The following AHRR variants were observed in gnomAD, a reference collection of about 807,000 sequenced individuals.
AHRR encodes the protein aryl hydrocarbon receptor repressor.
Under a neutral mutation model 44.0 loss-of-function variants are expected in AHRR, and 28 were observed. The observed-to-expected ratio is 0.64, with a 90% CI of 0.47 to 0.87. AHRR has a LOEUF of 0.87. Among genes scored for constraint, AHRR ranks in the 40% least tolerant of loss-of-function variants. The pLI, the probability that AHRR is intolerant of heterozygous loss-of-function variation, is 0.00. For synonymous variants in AHRR, 434 were observed against 407.0 expected (o/e 1.07, Z -0.80); for missense variants, 990 against 953.9 (o/e 1.04, Z -0.50).
At chr5:378,298 C>A (rs2721012) in intron 4 of AHRR, among the ~76,000 whole-genome samples, 112,381 of 152,248 alleles carry the variant, frequency 0.74, 42,193 homozygotes, top group Non-Finnish European at 0.77. Context: ...ATCCATAAAC[C>A]GCCTTGAGCC....
chr5:398,475 G>A (rs1040806849), intron 4 of AHRR, among the ~76,000 whole-genome samples: 1 of 152,198 alleles, frequency 6.6e-6, no homozygotes, highest in Non-Finnish European at 1.5e-5. Context: ...TGTGGTCACT[G>A]AGCCGGGTGC....
rs546968778 is a variant in AHRR, at chr5:411,276, G to A, written c.352-2068G>A. 6.6e-6 allele frequency among the ~76,000 whole-genome samples: 1 copy of A among 151,940 alleles called. No individual in the cohort carries two copies. The highest frequency in any genetic ancestry group is 2.1e-4 in the South Asian group (1 of 4,810). On this transcript the variant is annotated intron_variant, in intron 4 of 10. Transcript: ENST00000684583. The surrounding 1 kb of genome is among the most constrained non-coding windows in gnomAD (Gnocchi z 4.2). Reference sequence around the variant, plus strand: ...AGTCATTTTAAGCTCACTGGCATTTGATGCTGACCCTTCTGCTTGTGTGTA... The same window carrying A: ...AGTCATTTTAAGCTCACTGGCATTTAATGCTGACCCTTCTGCTTGTGTGTA...
At chr5:375,306 G>C (rs895178648) in intron 3 of AHRR, among the ~76,000 whole-genome samples, 1 of 152,220 alleles carries the variant, frequency 6.6e-6, no homozygotes. Flanking sequence ...TCGATGAGGC[G>C]GTGCCCCTCA....
intron 1 of AHRR, among the ~76,000 whole-genome samples, chr5:336,197 G>A (rs1257418850): frequency 2.0e-5 from 3 of 152,216 alleles, no homozygotes; most frequent in Admixed American, 2.0e-4. Context: ...GGGACTGCAT[G>A]ATTCTCCAGT....
chr5:386,947 G>A (rs1734190454), intron 4 of AHRR, among the ~76,000 whole-genome samples: 1 of 152,196 alleles, frequency 6.6e-6, no homozygotes, highest in Non-Finnish European at 1.5e-5. Flanking sequence ...TAGGGAATGT[G>A]GATTATTTTT....
intron 3 of AHRR, 51 bp from the exon 4 acceptor site, chr5:376,559 T>TGAATGAATGAGAACCGGGG: frequency 8.3e-6 from 2 of 241,096 alleles, no homozygotes; most frequent in East Asian, 7.6e-5. Flanking sequence ...TGAAGAAGAG[T>TGAATGAATGAGAACCGGGG]GGCCAGGCCA....
chr5:412,703 TTCTCTC>T (rs200015851), intron 4 of AHRR, among the ~76,000 whole-genome samples: 4 of 144,172 alleles, frequency 2.8e-5, no homozygotes, highest in Non-Finnish European at 4.5e-5. Flanking sequence ...TTCAACATTT[TTCTCTC>T]TCTCTCTTTT....
chr5:429,562 A>C (rs910286015), intron 8 of AHRR, among the ~76,000 whole-genome samples: 1 of 152,088 alleles, frequency 6.6e-6, no homozygotes, highest in African/African-American at 2.4e-5. Context: ...TCCGAGACCC[A>C]CCCGACTTGT....
intron 8 of AHRR, among the ~76,000 whole-genome samples, chr5:430,627 C>T (rs546544765): frequency 2.1e-4 from 32 of 152,376 alleles, no homozygotes; most frequent in African/African-American, 7.7e-4. Context: ...TTTCAGATAA[C>T]CGTTTAGACA....
intron 3 of AHRR, among the ~76,000 whole-genome samples, chr5:374,061 G>A (rs1743687328): frequency 6.6e-6 from 1 of 152,130 alleles, no homozygotes. Flanking sequence ...GGGTGGGACG[G>A]GGTCGGCTCC....
At chr5:427,545 T>C in intron 7 of AHRR, 3 of 1,485,136 alleles carry the variant, frequency 2.0e-6, no homozygotes, top group Non-Finnish European at 2.8e-6. Context: ...CACGCGGGAA[T>C]GAACCTGTCA....
At chr5:351,847 T>C (rs1468137282) in intron 2 of AHRR, among the ~76,000 whole-genome samples, 1 of 152,090 alleles carries the variant, frequency 6.6e-6, no homozygotes, top group East Asian at 1.9e-4. Flanking sequence ...TGCCGCAGAG[T>C]TCCTGACAGA....
intron 2 of AHRR, among the ~76,000 whole-genome samples, chr5:349,404 C>T (rs1742785039): frequency 2.0e-5 from 3 of 152,086 alleles, no homozygotes; most frequent in African/African-American, 7.2e-5. Flanking sequence ...GGTGAAACCC[C>T]GTCTCCACTA....
chr5:426,455 AATGG>A (rs1459330854), intron 7 of AHRR, among the ~76,000 whole-genome samples: 8 of 142,340 alleles, frequency 5.6e-5, no homozygotes, highest in Admixed American at 1.4e-4. Flanking sequence ...AAGATGGGTG[AATGG>A]ATGGATGGAT....
chr5:324,057 CTCTT>C (rs374472424), intron 1 of AHRR, among the ~76,000 whole-genome samples: 3 of 146,376 alleles, frequency 2.0e-5, no homozygotes, highest in Admixed American at 6.7e-5. Flanking sequence ...CTCTCTCTCT[CTCTT>C]TCTTTCCTTT....
chr5:367,074 G>A (rs1743383866), intron 3 of AHRR, among the ~76,000 whole-genome samples: 1 of 152,252 alleles, frequency 6.6e-6, no homozygotes, highest in African/African-American at 2.4e-5. Context: ...TAGCTTTTCT[G>A]TAAGTTTGAT....
At chr5:340,173 G>T (rs1234000283) in intron 1 of AHRR, among the ~76,000 whole-genome samples, 2 of 152,044 alleles carry the variant, frequency 1.3e-5, no homozygotes, top group Non-Finnish European at 2.9e-5. Context: ...TGGGTTTTTT[G>T]ATGTTGTTGG....
intron 3 of AHRR, 55 bp from the exon 4 acceptor site, chr5:376,555 A>ACCGTGGGGTGAACGCG (rs1306970800): frequency 3.5e-6 from 5 of 1,431,444 alleles, no homozygotes; most frequent in African/African-American, 1.4e-5. Context: ...TGAATGAAGA[A>ACCGTGGGGTGAACGCG]GAGTGGCCAG....
rs1234627827 is a variant in AHRR, at chr5:398,229, A to G, written c.352-15115A>G. 5.0e-4 allele frequency among the ~76,000 whole-genome samples: 57 copies of G among 113,670 alleles called. 1 individual carries two copies. Among genetic ancestry groups the G allele is most frequent in the African/African-American group, 2.0e-3 (51 of 25,902 alleles). 74.6% of individuals were successfully genotyped at this position (113,670 alleles called of 152,430 possible). On this transcript the variant is annotated intron_variant, in intron 4 of 10. Coordinates refer to ENST00000684583, the MANE Select transcript of AHRR (RefSeq NM_001377236.1). Reference sequence around the variant, plus strand: ...CTGACCATCCACGTAGCTCCTGACCATCCATGTTAGCCCCTGACCATCCAC... The same window carrying G: ...CTGACCATCCACGTAGCTCCTGACCGTCCATGTTAGCCCCTGACCATCCAC...
Sources: allele counts gnomAD v4.1 joint callset (sites outside exome capture counted in the v4.1 genomes callset), GRCh38; gene constraint gnomAD v4.1.1; non-coding constraint Gnocchi (gnomAD v3.1); transcripts MANE v1.5; gene names NCBI Gene and HGNC (gene_info 2026-07-23, HGNC 2026-07-21).